Variants in PCDHGB3 observed in about 807,000 individuals in gnomAD.
The protein encoded by PCDHGB3 is protocadherin gamma-B3.
Under a neutral mutation model 59.2 loss-of-function variants are expected in PCDHGB3, and 40 were observed. The observed-to-expected ratio is 0.68, with a 90% CI of 0.52 to 0.88. The LOEUF (loss-of-function observed/expected upper bound fraction) is 0.88, where lower values mean the gene tolerates loss of function less well. Ranked by LOEUF, PCDHGB3 falls within the 40% of genes least tolerant of loss-of-function variation. PCDHGB3 has a pLI of 0.00. For missense variants in PCDHGB3, 1,309 were observed against 1,187.9 expected (o/e 1.10, Z -1.50); for synonymous variants, 581 against 503.6 (o/e 1.15, Z -2.06).
Position 141,394,739 on chromosome 5 carries a change from C to A in PCDHGB3, c.2415+21930C>A, listed in dbSNP as rs377359689. 7.4e-6 allele frequency: 12 copies of A among 1,613,272 alleles called. No individual in the cohort carries two copies. In the African/African-American group the frequency reaches 1.2e-4, roughly 16 times the overall value. ...ACAGAGATGCGCTCAAGCAGAGCCT[C>A]GTGGTGGCCGTCCAGGACCATGGCC... On this transcript the variant is annotated intron_variant, in intron 1 of 3. Coordinates refer to ENST00000576222, the MANE Select transcript of PCDHGB3 (RefSeq NM_018924.5).
At position 141,398,135 on chromosome 5, in the gene PCDHGB3, G is replaced by A. The variant is rs771670845; in HGVS notation, c.2415+25326G>A. ...CTGAGGAGAGCAAGAGGGATGGGGAGCGGCGCCGGGGAGCTGGGCCGGGCT... is the reference window on the plus strand; with the variant it reads ...CTGAGGAGAGCAAGAGGGATGGGGAACGGCGCCGGGGAGCTGGGCCGGGCT... On this transcript the variant is annotated intron_variant, in intron 1 of 3. Transcript: ENST00000576222. 4 of 1,556,792 alleles carry A rather than the reference G, an allele frequency of 2.6e-6. No individual in the cohort carries two copies. Among genetic ancestry groups the A allele is most frequent in the Non-Finnish European group, 3.5e-6 (4 of 1,157,318 alleles).
chr5:141,422,328 TGCTCTTCTAAA>T (rs2096641385), intron 1 of PCDHGB3: 1 of 1,548,384 alleles, frequency 6.5e-7, no homozygotes, highest in Admixed American at 2.1e-5. Flanking sequence ...GTACAGTGAT[TGCTCTTCTAAA>T]TGTGCAAGAT....
intron 1 of PCDHGB3, chr5:141,410,263 A>G (rs532833925): frequency 1.4e-5 from 22 of 1,613,876 alleles, no homozygotes; most frequent in African/African-American, 2.7e-5. Flanking sequence ...CCCAGGCTGA[A>G]CTGCAGTTTT....
intron 1 of PCDHGB3, chr5:141,375,781 C>T (rs1381620623): frequency 6.2e-7 from 1 of 1,614,252 alleles, no homozygotes; most frequent in South Asian, 1.1e-5. Flanking sequence ...TGTACCCCGC[C>T]CTCCCCACAG....
At chr5:141,436,335 A>T (rs2097814208) in intron 1 of PCDHGB3, among the ~76,000 whole-genome samples, 1 of 152,172 alleles carries the variant, frequency 6.6e-6, no homozygotes, top group African/African-American at 2.4e-5. Flanking sequence ...ACCATATCTC[A>T]AATATCAGTG....
At chr5:141,498,679 C>G (rs1454800332) in intron 2 of PCDHGB3, among the ~76,000 whole-genome samples, 1 of 152,170 alleles carries the variant, frequency 6.6e-6, no homozygotes, top group Admixed American at 6.5e-5. Flanking sequence ...CGCCTGTAAT[C>G]CCAGCACTTT....
chr5:141,403,030 C>T, intron 1 of PCDHGB3: 1 of 1,614,056 alleles, frequency 6.2e-7, no homozygotes, highest in Non-Finnish European at 8.5e-7. Flanking sequence ...TATGGGAGGC[C>T]AGGGCCAGTC....
intron 1 of PCDHGB3, among the ~76,000 whole-genome samples, chr5:141,434,848 C>T (rs1224972794): frequency 6.6e-6 from 1 of 151,786 alleles, no homozygotes; most frequent in Non-Finnish European, 1.5e-5. Context: ...AAGCAGACAT[C>T]AATAAATTTA....
In PCDHGB3 at chr5:141,491,867, T is replaced by A. The variant is rs1424221139; in HGVS notation, c.2416-2940T>A. On this transcript the variant is annotated intron_variant, in intron 1 of 3. Transcript: ENST00000576222. The surrounding 1 kb of genome is among the most constrained non-coding windows in gnomAD (Gnocchi z 6.9). ...TTGGACCGTTTGCGCGAAACCAGAG[T>A]GGCCGATTAAGGGATGGGGCTCCGA... 6.9e-7 allele frequency: 1 copy of A among 1,452,218 alleles called. No homozygotes were observed. The highest frequency in any genetic ancestry group is 9.1e-7 in the Non-Finnish European group (1 of 1,099,056). The allele number at this position is 1,452,218 out of a possible 1,614,324, so 90.0% of individuals were successfully genotyped here. A position where few individuals can be genotyped will look rare whatever the true frequency, so the allele number is the denominator to read the frequency against.
chr5:141,406,620 C>T (rs1355085005), intron 1 of PCDHGB3, among the ~76,000 whole-genome samples: 1 of 152,148 alleles, frequency 6.6e-6, no homozygotes, highest in Non-Finnish European at 1.5e-5. Flanking sequence ...CTTTTATTCT[C>T]ATATCTTCAA....
At chr5:141,505,538 T>C in intron 3 of PCDHGB3, 57 bp downstream of exon 3, 1 of 1,610,262 alleles carries the variant, frequency 6.2e-7, no homozygotes, top group Non-Finnish European at 8.5e-7. Context: ...CTGGGGTGCA[T>C]CTCACAGCCA....
intron 1 of PCDHGB3, chr5:141,390,007 C>G (rs778827419): frequency 1.9e-6 from 3 of 1,614,058 alleles, no homozygotes; most frequent in South Asian, 2.2e-5. Context: ...ATGATTCTGG[C>G]CATTGCCTTG....
At chr5:141,468,877 T>C (rs1321110515) in intron 1 of PCDHGB3, among the ~76,000 whole-genome samples, 2 of 149,546 alleles carry the variant, frequency 1.3e-5, no homozygotes, top group African/African-American at 4.9e-5. Context: ...AAAATAATAA[T>C]AATAATAATA....
intron 1 of PCDHGB3, among the ~76,000 whole-genome samples, chr5:141,475,215 T>C (rs768665396): frequency 2.6e-5 from 4 of 152,176 alleles, no homozygotes; most frequent in Non-Finnish European, 5.9e-5. Flanking sequence ...AAAGGATTGA[T>C]CAAGTAAAGG....
rs765908055 is a variant in PCDHGB3 at position 141,372,420 on chromosome 5, A to G, written c.2026A>G (p.Ser676Gly). ...DSLQEIQPDL[S>G]DRPTPSDPQA... ...CTTGCAAGAGATACAACCTGACCTT[A>G]GCGACCGCCCCACTCCCTCTGACCC... is the stretch of plus-strand genomic sequence containing the variant. The change falls in exon 1 of 4, where the codon AGC (serine) becomes GGC (glycine). Residue 676 changes from serine (S) to glycine (G), a missense_variant. Ser to Gly is a moderately conservative substitution (Grantham distance 56). Transcript: ENST00000576222. The G allele has an allele frequency of 6.2e-7, 1 of 1,614,042 alleles. No homozygotes were observed. Among genetic ancestry groups the G allele is most frequent in the Admixed American group, 1.7e-5 (1 of 60,028 alleles).
chr5:141,377,551 G>T (rs949060522), intron 1 of PCDHGB3: 3 of 151,380 alleles, frequency 2.0e-5, no homozygotes, highest in African/African-American at 7.3e-5. Flanking sequence ...AGATATAATT[G>T]TGTCACTGCA....
intron 1 of PCDHGB3, chr5:141,375,116 C>T (rs754682469): frequency 3.7e-6 from 6 of 1,613,886 alleles, no homozygotes; most frequent in Non-Finnish European, 4.2e-6. Flanking sequence ...TGATAATGTA[C>T]CAGAAGTGGT....
chr5:141,500,084 C>T (rs1354544132), intron 2 of PCDHGB3, among the ~76,000 whole-genome samples: 1 of 152,030 alleles, frequency 6.6e-6, no homozygotes, highest in Non-Finnish European at 1.5e-5. Flanking sequence ...CCTCCATCTT[C>T]CATTTTTGCA....
chr5:141,440,181 G>A (rs1419736461), intron 1 of PCDHGB3: 7 of 152,312 alleles, frequency 4.6e-5, no homozygotes, highest in Non-Finnish European at 8.8e-5. Context: ...CTTTGAAATA[G>A]TTGAAGGCCA....
Sources: allele counts gnomAD v4.1 joint callset (sites outside exome capture counted in the v4.1 genomes callset), GRCh38; gene constraint gnomAD v4.1.1; non-coding constraint Gnocchi (gnomAD v3.1); transcripts MANE v1.5; gene names NCBI Gene and HGNC (gene_info 2026-07-23, HGNC 2026-07-21).